The following EIF3H variants were observed in gnomAD, a reference collection of about 807,000 sequenced individuals.
EIF3H encodes eIF-3-gamma.
In EIF3H, 26 loss-of-function variants were observed where a neutral mutation model predicts 44.2. The observed-to-expected ratio is 0.59, with a 90% CI of 0.43 to 0.82. The LOEUF is 0.82. Among genes scored for constraint, EIF3H ranks in the 40% least tolerant of loss-of-function variants. The pLI, the probability that EIF3H is intolerant of heterozygous loss-of-function variation, is 0.00. For missense variants in EIF3H, 359 were observed against 432.8 expected (o/e 0.83, Z 1.51); for synonymous variants, 166 against 151.9 (o/e 1.09, Z -0.68).
At chr8:116,679,599 C>A (rs1356313709) in intron 2 of EIF3H, among the ~76,000 whole-genome samples, 1 of 27,446 alleles carries the variant, frequency 3.6e-5, no homozygotes, top group Non-Finnish European at 1.2e-4. Context: ...GGGTCAGCCC[C>A]CCGCCCGGCC....
intron 2 of EIF3H, among the ~76,000 whole-genome samples, chr8:116,699,188 C>G (rs1291300824): frequency 6.6e-6 from 1 of 151,670 alleles, no homozygotes; most frequent in Non-Finnish European, 1.5e-5. Flanking sequence ...CTTGGGTGTA[C>G]ATGCCTAAAT....
chr8:116,653,894 G>T (rs190170700), intron 5 of EIF3H, among the ~76,000 whole-genome samples: 57 of 152,292 alleles, frequency 3.7e-4, no homozygotes, highest in African/African-American at 1.3e-3. Context: ...CAAAGAAACT[G>T]GTGCCCATGT....
At chr8:116,694,791 T>C (rs1480988906) in intron 2 of EIF3H, among the ~76,000 whole-genome samples, 2 of 152,154 alleles carry the variant, frequency 1.3e-5, no homozygotes, top group Non-Finnish European at 2.9e-5. Flanking sequence ...TAACACTAAA[T>C]TATCTTCAGG....
intron 1 of EIF3H, among the ~76,000 whole-genome samples, chr8:116,731,990 T>C (rs1191926071): frequency 6.6e-6 from 1 of 152,214 alleles, no homozygotes; most frequent in African/African-American, 2.4e-5. Flanking sequence ...AGGTCAGTTG[T>C]CTCTCAAACT....
intron 2 of EIF3H, among the ~76,000 whole-genome samples, chr8:116,701,195 C>T (rs116711764): frequency 0.012 from 1,790 of 152,164 alleles, 37 homozygotes; most frequent in African/African-American, 0.04. Context: ...ACTTTAGCTT[C>T]GTATGCAATT....
chr8:116,743,769 C>CATACATACAT (rs1433709835), intron 1 of EIF3H, among the ~76,000 whole-genome samples: 6 of 96,998 alleles, frequency 6.2e-5, no homozygotes, highest in African/African-American at 1.9e-4. Flanking sequence ...AAAATACATA[C>CATACATACAT]ATATATATAT....
At chr8:116,697,249 C>G (rs1249630865) in intron 2 of EIF3H, 2 of 446,320 alleles carry the variant, frequency 4.5e-6, no homozygotes, top group South Asian at 1.6e-5. Context: ...TAGATGAAAT[C>G]AGAAGAAACA....
intron 6 of EIF3H, among the ~76,000 whole-genome samples, chr8:116,647,687 C>G (rs527264385): frequency 2.1e-4 from 32 of 152,252 alleles, no homozygotes; most frequent in African/African-American, 7.5e-4. Context: ...AAAATTTAGT[C>G]TTTGGATTCC....
intron 2 of EIF3H, among the ~76,000 whole-genome samples, chr8:116,693,236 T>C (rs1238949663): frequency 1.3e-5 from 2 of 152,152 alleles, no homozygotes; most frequent in East Asian, 3.8e-4. Context: ...GAACATTCAA[T>C]TTTTAGGAAA....
chr8:116,761,504 T>A (rs986172932), intron 1 of EIF3H, among the ~76,000 whole-genome samples: 5 of 152,146 alleles, frequency 3.3e-5, no homozygotes, highest in African/African-American at 1.2e-4. Flanking sequence ...AGAGTGAGAC[T>A]CTGTCTCAAA....
At chr8:116,664,504 C>T (rs996949197) in intron 2 of EIF3H, among the ~76,000 whole-genome samples, 6 of 152,180 alleles carry the variant, frequency 3.9e-5, no homozygotes, top group Admixed American at 1.3e-4. Flanking sequence ...ATTCTTCTCA[C>T]CTTCAATTCT....
chr8:116,650,980 A>G (rs1463913313), intron 5 of EIF3H, among the ~76,000 whole-genome samples: 3 of 152,188 alleles, frequency 2.0e-5, no homozygotes, highest in Non-Finnish European at 2.9e-5. Context: ...TAGAGATAGA[A>G]AGTGACTAGA....
rs369630146 is a variant in EIF3H, at chr8:116,703,872, T to C, written c.289+22144A>G. The stretch of plus-strand genomic sequence containing the variant: ...GTCTTTATTTCTACCATCTCTCGTC[T>C]CTGCACACGAAGAGAAAAACCCACA... On this transcript the variant is annotated intron_variant, in intron 2 of 7. Coordinates refer to ENST00000521861, the MANE Select transcript of EIF3H (RefSeq NM_003756.3). Among the ~76,000 whole-genome samples, 4 of 152,280 alleles carry C rather than the reference T, an allele frequency of 2.6e-5. No individual in the cohort carries two copies. The East Asian group carries it at 5.8e-4, about 22-fold the overall frequency.
chr8:116,766,337 C>G (rs1815573635), upstream of EIF3H: 1 of 396,500 alleles, frequency 2.5e-6, no homozygotes. Context: ...CGCCCCCGTG[C>G]GGAATCGCGC....
intron 2 of EIF3H, among the ~76,000 whole-genome samples, chr8:116,669,970 T>C (rs908889207): frequency 1.8e-4 from 27 of 151,996 alleles, no homozygotes; most frequent in African/African-American, 6.3e-4. Context: ...CTAAGAAAAA[T>C]GATCAAGCAG....
At position 116,755,774 on chromosome 8, in the gene EIF3H, G is replaced by A. The variant is rs368866031; in HGVS notation, c.24C>T (p.Thr8=). 3.4e-5 allele frequency: 55 copies of A among 1,613,862 alleles called. No homozygotes were observed. Among genetic ancestry groups the A allele is most frequent in the African/African-American group, 6.7e-5 (5 of 74,928 alleles). The change falls in exon 1 of 8, where the codon ACC becomes ACT. Residue 8 remains threonine, a synonymous_variant. Coordinates refer to ENST00000521861, the MANE Select transcript of EIF3H (RefSeq NM_003756.3). ...AGCTGGAAGAGGTGGCAGTAGAGCC[G>A]GTACCTTCCTTGCGGGACGCCATCT... MASRKEG[T]GSTATSSSST... is the part of the protein sequence containing the mutation.
At chr8:116,694,974 T>TG (rs1814243354) in intron 2 of EIF3H, among the ~76,000 whole-genome samples, 1 of 151,982 alleles carries the variant, frequency 6.6e-6, no homozygotes, top group Non-Finnish European at 1.5e-5. Flanking sequence ...GTTTATCCCA[T>TG]GGTCCTGCCC....
intron 2 of EIF3H, among the ~76,000 whole-genome samples, chr8:116,691,556 G>GA (rs144905433): frequency 0.17 from 23,895 of 143,270 alleles, 2,216 homozygotes; most frequent in East Asian, 0.44. Context: ...ATTTTAATAG[G>GA]AAAAAAAAAA....
rs778708622 is a variant in EIF3H at position 116,642,787 on chromosome 8, A to G, written c.*2219T>C. 3 of 152,204 alleles carry G rather than the reference A, an allele frequency of 2.0e-5. No individual in the cohort carries two copies. Among genetic ancestry groups the G allele is most frequent in the Non-Finnish European group, 4.4e-5 (3 of 68,034 alleles). 9.4% of individuals were successfully genotyped at this position (152,204 alleles called of 1,614,324 possible). A position where few individuals can be genotyped will look rare whatever the true frequency, so the allele number is the denominator to read the frequency against. On this transcript the variant is annotated 3_prime_UTR_variant, in exon 8 of 8. Transcript: ENST00000521861. ...TCAAATCAAATGCCGAACAGAAGCT[A>G]TTCCCTAACACTACATACTGTGGCG...
Sources: allele counts gnomAD v4.1 joint callset (sites outside exome capture counted in the v4.1 genomes callset), GRCh38; gene constraint gnomAD v4.1.1; transcripts MANE v1.5; gene names NCBI Gene and HGNC (gene_info 2026-07-23, HGNC 2026-07-21).